Variants in GRXCR2 observed in about 807,000 individuals in gnomAD.
GRXCR2 encodes the protein glutaredoxin domain-containing cysteine-rich protein 2.
A neutral mutation model predicts 24.8 loss-of-function variants in GRXCR2; 23 were observed. That is an observed-to-expected ratio of 0.93 (90% CI 0.67 to 1.32). The LOEUF is 1.32. GRXCR2 is among the 40% of genes most tolerant of loss of function. The pLI, the probability that GRXCR2 is intolerant of heterozygous loss-of-function variation, is 0.00. For synonymous variants in GRXCR2, 130 were observed against 116.1 expected (o/e 1.12, Z -0.77); for missense variants, 315 against 303.4 (o/e 1.04, Z -0.28).
At chr5:145,916,935 G>A (rs772218077) in intron 2 of GRXCR2, among the ~76,000 whole-genome samples, 10 of 152,048 alleles carry the variant, frequency 6.6e-5, no homozygotes, top group Admixed American at 2.6e-4. Flanking sequence ...AGGAGCAAGC[G>A]TGGAAACTAA....
chr5:145,870,949 T>C (rs757137177), intron 1 of GRXCR2, among the ~76,000 whole-genome samples: 3 of 152,132 alleles, frequency 2.0e-5, no homozygotes, highest in African/African-American at 7.2e-5. Flanking sequence ...ATAAATTCTA[T>C]AGTCCTAGCT....
At chr5:145,924,877 C>T (rs897497064) in intron 2 of GRXCR2, among the ~76,000 whole-genome samples, 14 of 152,158 alleles carry the variant, frequency 9.2e-5, no homozygotes, top group African/African-American at 3.4e-4. Context: ...AACCTTCAGG[C>T]AGCCATTCTG....
At chr5:145,878,488 G>A (rs957769016) in intron 2 of GRXCR2, among the ~76,000 whole-genome samples, 1 of 152,046 alleles carries the variant, frequency 6.6e-6, no homozygotes, top group Admixed American at 6.6e-5. Flanking sequence ...GACAAGACAA[G>A]GTTAGAGAAA....
intron 2 of GRXCR2, among the ~76,000 whole-genome samples, chr5:145,884,224 G>A (rs778057747): frequency 2.0e-5 from 3 of 152,038 alleles, no homozygotes; most frequent in Non-Finnish European, 4.4e-5. Flanking sequence ...TGGCCCAGAA[G>A]GAAGCAACCA....
intron 2 of GRXCR2, among the ~76,000 whole-genome samples, chr5:145,925,467 G>T (rs1409436602): frequency 6.6e-6 from 1 of 152,100 alleles, no homozygotes; most frequent in African/African-American, 2.4e-5. Flanking sequence ...GAACACAAAG[G>T]GTCACAGAGC....
upstream of GRXCR2, among the ~76,000 whole-genome samples, chr5:145,873,995 C>G (rs1756573739): frequency 6.6e-6 from 1 of 152,060 alleles, no homozygotes; most frequent in Non-Finnish European, 1.5e-5. Context: ...AGGAAGTGGT[C>G]TCTAAGGAGA....
rs75825067 is a variant in GRXCR2 at position 145,867,293 on chromosome 5, C to A, written c.337-565G>T. Among the ~76,000 whole-genome samples, 212 of 152,174 alleles carry A rather than the reference C, an allele frequency of 1.4e-3. 1 individual carries two copies. Among genetic ancestry groups the A allele is most frequent in the African/African-American group, 4.9e-3 (205 of 41,506 alleles). ...GACTCAGTGGGGTTAAGTGCCCCAC[C>A]AAGGTGACAGAGTTACTCGGGCACT... On this transcript the variant is annotated intron_variant, in intron 1 of 2. Coordinates refer to ENST00000377976, the MANE Select transcript of GRXCR2 (RefSeq NM_001080516.2).
intron 1 of GRXCR2, among the ~76,000 whole-genome samples, chr5:145,868,675 C>G (rs571589281): frequency 6.6e-6 from 1 of 152,180 alleles, no homozygotes; most frequent in Non-Finnish European, 1.5e-5. Context: ...TGATTTTTTT[C>G]AAGACAAAAC....
intron 2 of GRXCR2, among the ~76,000 whole-genome samples, chr5:145,915,886 A>G (rs1417028943): frequency 2.0e-5 from 3 of 152,214 alleles, no homozygotes; most frequent in African/African-American, 4.8e-5. Flanking sequence ...GAGATAACCT[A>G]TTCAGAGCTT....
chr5:145,907,193 G>A (rs189628746), intron 2 of GRXCR2, among the ~76,000 whole-genome samples: 3 of 152,202 alleles, frequency 2.0e-5, no homozygotes, highest in East Asian at 1.9e-4. Context: ...AGCTATTGGG[G>A]AGTTTTGAGC....
At chr5:145,896,662 A>G (rs1411201179) in intron 2 of GRXCR2, among the ~76,000 whole-genome samples, 3 of 152,200 alleles carry the variant, frequency 2.0e-5, no homozygotes, top group African/African-American at 7.2e-5. Context: ...GTGGAGAAAT[A>G]GGAACACTTT....
At chr5:145,907,708 C>A (rs567660262) in intron 2 of GRXCR2, among the ~76,000 whole-genome samples, 1 of 152,104 alleles carries the variant, frequency 6.6e-6, no homozygotes. Context: ...GTGAATCCGA[C>A]ACGGGGTCCT....
At chr5:145,915,550 C>T (rs1314785166) in intron 2 of GRXCR2, among the ~76,000 whole-genome samples, 7 of 152,030 alleles carry the variant, frequency 4.6e-5, no homozygotes, top group African/African-American at 1.4e-4. Flanking sequence ...TTTGGGAGGC[C>T]GAGGTGGGTG....
chr5:145,879,952 A>G (rs184511200), intron 2 of GRXCR2, among the ~76,000 whole-genome samples: 2 of 152,344 alleles, frequency 1.3e-5, no homozygotes, highest in African/African-American at 2.4e-5. Context: ...TACTGGGTAA[A>G]TAACGAAATG....
intron 1 of GRXCR2, among the ~76,000 whole-genome samples, chr5:145,871,402 A>G (rs1283967488): frequency 2.6e-5 from 4 of 152,186 alleles, no homozygotes; most frequent in Non-Finnish European, 4.4e-5. Flanking sequence ...CTCTGTACCC[A>G]ATGACCCTGT....
At chr5:145,860,845 T>C (rs1756325372) in intron 2 of GRXCR2, among the ~76,000 whole-genome samples, 1 of 152,070 alleles carries the variant, frequency 6.6e-6, no homozygotes, top group Non-Finnish European at 1.5e-5. Context: ...TGAGAGAATA[T>C]ATGTAATGCA....
downstream of GRXCR2, among the ~76,000 whole-genome samples, chr5:145,858,071 T>C (rs919213708): frequency 6.6e-6 from 1 of 152,108 alleles, no homozygotes; most frequent in East Asian, 1.9e-4. Flanking sequence ...CCCAGCACTT[T>C]GGGAGGCCGA....
intron 2 of GRXCR2, among the ~76,000 whole-genome samples, chr5:145,890,079 G>A (rs1037528489): frequency 1.3e-5 from 2 of 152,136 alleles, no homozygotes; most frequent in African/African-American, 2.4e-5. Context: ...AAAGACAAAA[G>A]TTTTTGTTTT....
At chr5:145,885,559 A>G (rs1376010512) in intron 2 of GRXCR2, among the ~76,000 whole-genome samples, 2 of 152,228 alleles carry the variant, frequency 1.3e-5, no homozygotes, top group East Asian at 3.8e-4. Context: ...CAGAGCTAGT[A>G]GTTATTTTGG....
Sources: gnomAD v4.1 joint callset for allele counts (sites outside exome capture counted in the v4.1 genomes callset) on GRCh38, gnomAD v4.1.1 for gene constraint, MANE v1.5 for transcripts, NCBI Gene and HGNC (gene_info 2026-07-23, HGNC 2026-07-21) for gene names.